The following PRKCZ variants were observed in gnomAD, a reference collection of about 807,000 sequenced individuals.
The protein encoded by PRKCZ is protein kinase C zeta.
Under a neutral mutation model 79.5 loss-of-function variants are expected in PRKCZ, and 33 were observed. The observed-to-expected ratio is 0.41, with a 90% CI of 0.31 to 0.55. PRKCZ has a LOEUF of 0.55. Among genes scored for constraint, PRKCZ ranks in the 20% least tolerant of loss-of-function variants. The probability of loss-of-function intolerance (pLI) is 0.19; values close to 1 mark genes in which losing one functional copy is unlikely to be tolerated. For synonymous variants in PRKCZ, 342 were observed against 320.9 expected (o/e 1.07, Z -0.70); for missense variants, 578 against 813.5 (o/e 0.71, Z 3.52).
Position 2,056,521 on chromosome 1 carries a change from A to G in PRKCZ, c.231A>G (p.Glu77=). ...CGGTGTCCTCCCAGATGGAGCTGGA[A>G]GAGGCTTTCCGCCTGGCCCGTCAGT... ...PCTVSSQMEL[E]EAFRLARQCR... is the part of the protein sequence containing the mutation. The change falls in exon 3 of 18, where the codon GAA becomes GAG. Residue 77 remains glutamate, a synonymous_variant. Coordinates refer to ENST00000378567, the MANE Select transcript of PRKCZ (RefSeq NM_002744.6). 5.6e-6 allele frequency: 9 copies of G among 1,613,976 alleles called. No individual in the cohort carries two copies. The highest frequency in any genetic ancestry group is 1.7e-4 in the Middle Eastern group (1 of 6,040).
chr1:2,070,046 C>G (rs1278037443), intron 4 of PRKCZ, among the ~76,000 whole-genome samples: 1 of 152,170 alleles, frequency 6.6e-6, no homozygotes, highest in Non-Finnish European at 1.5e-5. Context: ...ACCAGGCCTC[C>G]GAGGTCCTTA....
intron 4 of PRKCZ, among the ~76,000 whole-genome samples, chr1:2,134,217 C>G (rs896457279): frequency 5.9e-5 from 9 of 152,224 alleles, no homozygotes; most frequent in African/African-American, 1.9e-4. Flanking sequence ...TGGTTTCGCT[C>G]TGAATCTTCC....
Position 2,112,352 on chromosome 1 carries a change from C to G in PRKCZ, c.335-22910C>G, listed in dbSNP as rs1375105794. Among the ~76,000 whole-genome samples the G allele has an allele frequency of 2.0e-5, 3 of 152,322 alleles. No individual in the cohort carries two copies. The East Asian group carries it at 5.8e-4, about 29-fold the overall frequency. ...CAGTGCACCTTCTGTCCGAAGCAGCCGGCGAGGCGGCCCGCGAACCTCTGA... is the reference window on the plus strand; with the variant it reads ...CAGTGCACCTTCTGTCCGAAGCAGCGGGCGAGGCGGCCCGCGAACCTCTGA... On this transcript the variant is annotated intron_variant, in intron 4 of 17. Coordinates refer to ENST00000378567, the MANE Select transcript of PRKCZ (RefSeq NM_002744.6).
At chr1:2,078,774 A>G (rs1362340667) in intron 4 of PRKCZ, among the ~76,000 whole-genome samples, 1 of 151,592 alleles carries the variant, frequency 6.6e-6, no homozygotes, top group Admixed American at 6.6e-5. Context: ...TGTCCAAACC[A>G]TCTGTTAAGT....
rs1264888863 is a variant in PRKCZ, at chr1:2,172,891, G to C, written c.1285+503G>C. ...GCAGCCGTGTGTGCGTGTGTGAAAC[G>C]GGGACGTGGGCACGCGTGTGCAGCC... is the stretch of plus-strand genomic sequence containing the variant. On this transcript the variant is annotated intron_variant, in intron 13 of 17. Coordinates refer to ENST00000378567, the MANE Select transcript of PRKCZ (RefSeq NM_002744.6). The surrounding 1 kb of genome is among the most constrained non-coding windows in gnomAD (Gnocchi z 7.8). 6.6e-6 allele frequency among the ~76,000 whole-genome samples: 1 copy of C among 151,914 alleles called. No homozygotes were observed. The highest frequency in any genetic ancestry group is 1.5e-5 in the Non-Finnish European group (1 of 67,950).
intron 4 of PRKCZ, chr1:2,073,985 C>A (rs189964066): frequency 3.6e-6 from 5 of 1,402,550 alleles, no homozygotes; most frequent in Non-Finnish European, 4.6e-6. Context: ...CCGGGCCAGC[C>A]GTGCTGCAGG....
chr1:2,054,906 G>T (rs747236629), intron 1 of PRKCZ, among the ~76,000 whole-genome samples: 1 of 150,188 alleles, frequency 6.7e-6, no homozygotes, highest in Non-Finnish European at 1.5e-5. Context: ...GGTAGGTCGC[G>T]CTTTTTTCTC....
chr1:2,160,222 T>G (rs1447993528), intron 10 of PRKCZ, among the ~76,000 whole-genome samples: 1 of 149,134 alleles, frequency 6.7e-6, no homozygotes, highest in Admixed American at 6.7e-5. Flanking sequence ...TGAAAAGCAC[T>G]TCACCCAGCA....
intron 5 of PRKCZ, chr1:2,141,435 T>C (rs1677303204): frequency 6.6e-6 from 1 of 150,378 alleles, no homozygotes; most frequent in Admixed American, 6.7e-5. Flanking sequence ...AACCTCTGCC[T>C]CCTGGGTTCA....
intron 4 of PRKCZ, among the ~76,000 whole-genome samples, chr1:2,089,912 A>G (rs1339532641): frequency 6.6e-6 from 1 of 151,908 alleles, no homozygotes; most frequent in African/African-American, 2.4e-5. Flanking sequence ...AAATCCAAAC[A>G]AAAAGCTTTA....
rs1433628861 is a variant in PRKCZ at position 2,130,032 on chromosome 1, A to G, written c.335-5230A>G. On this transcript the variant is annotated intron_variant, in intron 4 of 17. Coordinates refer to ENST00000378567, the MANE Select transcript of PRKCZ (RefSeq NM_002744.6). The stretch of plus-strand genomic sequence containing the variant: ...ATCCTCCCACCTCAGCCTCCCGAGT[A>G]GCTGGGACTATAGGTGCACGCCACC... Among the ~76,000 whole-genome samples, 9 of 152,082 alleles carry G rather than the reference A, an allele frequency of 5.9e-5. No homozygotes were observed. The East Asian group carries it at 1.7e-3, about 29-fold the overall frequency.
chr1:2,144,577 AG>A (rs1315966308), intron 6 of PRKCZ: 1 of 1,376,570 alleles, frequency 7.3e-7, no homozygotes, highest in African/African-American at 1.5e-5. Flanking sequence ...CTCAGGCAGC[AG>A]GCTCAGGTAG....
Position 2,058,809 on chromosome 1 carries a change from C to T in PRKCZ, c.284-732C>T, listed in dbSNP as rs1208339821. ...TACTTGGGAGGCTGAGGCAGGAGAA[C>T]TGCTGGAACCCGAGAGGTGGAGGTT... On this transcript the variant is annotated intron_variant, in intron 3 of 17. Transcript: ENST00000378567. Among the ~76,000 whole-genome samples, 4 of 152,210 alleles carry T rather than the reference C, an allele frequency of 2.6e-5. No homozygotes were observed. In the East Asian group the frequency reaches 5.8e-4, roughly 22 times the overall value.
At position 2,165,725 on chromosome 1, in the gene PRKCZ, C is replaced by T. The variant is rs563011501; in HGVS notation, c.975-3793C>T. Among the ~76,000 whole-genome samples, 37 of 152,332 alleles carry T rather than the reference C, an allele frequency of 2.4e-4. No individual in the cohort carries two copies. Among genetic ancestry groups the T allele is most frequent in the African/African-American group, 8.7e-4 (36 of 41,586 alleles). ...CACATGGTGGTGGCCCGCCCGGACC[C>T]ATCTGGTTAATTCTTGACTCTCAGG... On this transcript the variant is annotated intron_variant, in intron 10 of 17. Coordinates refer to ENST00000378567, the MANE Select transcript of PRKCZ (RefSeq NM_002744.6). This position sits in a 1 kb window ranked among gnomAD's most constrained non-coding sequence, Gnocchi z 4.1.
chr1:2,105,311 C>G (rs1307988348), intron 4 of PRKCZ, among the ~76,000 whole-genome samples: 1 of 152,166 alleles, frequency 6.6e-6, no homozygotes, highest in African/African-American at 2.4e-5. Context: ...TTGAAAGGCC[C>G]TGAGGTTGGG....
intron 4 of PRKCZ, among the ~76,000 whole-genome samples, chr1:2,061,987 G>A (rs1173660600): frequency 2.0e-5 from 3 of 152,076 alleles, no homozygotes; most frequent in Non-Finnish European, 4.4e-5. Flanking sequence ...GAGAAGGGTC[G>A]GACTGGGAGG....
intron 16 of PRKCZ, chr1:2,183,430 A>C (rs1687033157): frequency 6.6e-6 from 1 of 151,470 alleles, no homozygotes; most frequent in Non-Finnish European, 1.5e-5. Flanking sequence ...TGAGTGAATG[A>C]GTGAATGGGA....
intron 4 of PRKCZ, chr1:2,074,584 C>G (rs533913018): frequency 5.9e-6 from 3 of 508,448 alleles, no homozygotes; most frequent in African/African-American, 1.9e-5. Flanking sequence ...TCCAGGCCTG[C>G]GGTCTTTCCG....
chr1:2,137,653 C>G (rs908047420), intron 5 of PRKCZ, among the ~76,000 whole-genome samples: 3 of 152,212 alleles, frequency 2.0e-5, no homozygotes, highest in African/African-American at 7.2e-5. Flanking sequence ...CCTACCCACC[C>G]AGTGACATGG....
Sources: gnomAD v4.1 joint callset for allele counts (sites outside exome capture counted in the v4.1 genomes callset) on GRCh38, gnomAD v4.1.1 for gene constraint, Gnocchi (gnomAD v3.1) non-coding constraint, MANE v1.5 for transcripts, NCBI Gene and HGNC (gene_info 2026-07-23, HGNC 2026-07-21) for gene names.